Variants in KALRN observed in about 807,000 individuals in gnomAD.
KALRN encodes the protein kalirin RhoGEF kinase.
Under a neutral mutation model 353.7 loss-of-function variants are expected in KALRN, and 70 were observed. The ratio of observed to expected loss-of-function variants is 0.20; its 90% CI spans 0.16 to 0.24. KALRN has a LOEUF of 0.24. Ranked by LOEUF, KALRN falls within the 10% of genes least tolerant of loss-of-function variation. The pLI is 1.00. For synonymous variants in KALRN, 1,391 were observed against 1,434.8 expected, an observed-to-expected ratio of 0.97 and a Z score of 0.69; for missense variants, 2,791 against 3,756.7, an observed-to-expected ratio of 0.74 and a Z score of 6.72.
At position 124,719,182 on chromosome 3, in the gene KALRN, C is replaced by T. The variant is rs758592148; in HGVS notation, c.8673C>T (p.Asn2891=). ...AGAGCAAAGAGGAGACATGTATCAA[C>T]GTATGCAGGGTGGATTTCAGCTTCC... ...LDESKEETCI[N]VCRVDFSFPH... Residue 2891 remains asparagine, a synonymous_variant, in exon 60 of 60, where the codon AAC becomes AAT. Coordinates refer to ENST00000682506, the MANE Select transcript of KALRN (RefSeq NM_001388419.1). The surrounding 1 kb of genome is among the most constrained non-coding windows in gnomAD (Gnocchi z 5.3). 8.7e-6 allele frequency: 14 copies of T among 1,614,226 alleles called. No individual in the cohort carries two copies. Among genetic ancestry groups the T allele is most frequent in the Middle Eastern group, 1.6e-4 (1 of 6,062 alleles).
chr3:124,311,192 G>T (rs925527294), intron 6 of KALRN, among the ~76,000 whole-genome samples: 1 of 149,848 alleles, frequency 6.7e-6, no homozygotes, highest in Non-Finnish European at 1.5e-5. Flanking sequence ...AGGCGCAGTG[G>T]CTCACGCCTA....
At chr3:124,506,271 C>T (rs1274757123) in intron 33 of KALRN, among the ~76,000 whole-genome samples, 2 of 152,118 alleles carry the variant, frequency 1.3e-5, no homozygotes, top group Non-Finnish European at 2.9e-5. Context: ...ATGTCCACTC[C>T]TATTTTCAAC....
At position 124,642,806 on chromosome 3, in the gene KALRN, G is replaced by GTTGTTTTTTTTTTTTTTTTTTTT. The variant is rs796628603; in HGVS notation, c.5664+5505_5664+5506insGTTTTTTTTTTTTTTTTTTTTTT. On this transcript the variant is annotated intron_variant, in intron 37 of 59. Transcript: ENST00000682506. Reference sequence around the variant, plus strand: ...TCTGTGGAAGAGATTCCCAAGCCTCGTTTTTTTTTTTTTTTTTTTTGAGAC... The same window carrying GTTGTTTTTTTTTTTTTTTTTTTT: ...TCTGTGGAAGAGATTCCCAAGCCTCGTTGTTTTTTTTTTTTTTTTTTTTTTTTTTTTTTTTTTTTTTTTGAGAC... 1.4e-3 allele frequency among the ~76,000 whole-genome samples: 134 copies of GTTGTTTTTTTTTTTTTTTTTTTT among 96,804 alleles called. 30 individuals carry two copies. Among genetic ancestry groups the GTTGTTTTTTTTTTTTTTTTTTTT allele is most frequent in the East Asian group, 0.014 (29 of 2,100 alleles). The allele number at this position is 96,804 out of a possible 152,430, so 63.5% of individuals were successfully genotyped here. A position where few individuals can be genotyped will look rare whatever the true frequency, so the allele number is the denominator to read the frequency against.
chr3:124,504,382 G>A (rs975728977), intron 33 of KALRN, among the ~76,000 whole-genome samples: 3 of 152,106 alleles, frequency 2.0e-5, no homozygotes, highest in Non-Finnish European at 4.4e-5. Context: ...CTCCTGCCTG[G>A]TAAGTTGGAT....
rs1481194638 is a variant in KALRN, at chr3:124,422,877, C to T, written c.2608C>T (p.Leu870Phe). 3.7e-6 allele frequency: 6 copies of T among 1,613,910 alleles called. No homozygotes were observed. In the South Asian group the frequency reaches 6.6e-5, roughly 18 times the overall value. Residue 870 changes from leucine to phenylalanine, a missense_variant, in exon 15 of 60, where the codon CTC (leucine) becomes TTC (phenylalanine). Physicochemically the swap from Leu to Phe is conservative, Grantham distance 22. Coordinates refer to ENST00000682506, the MANE Select transcript of KALRN (RefSeq NM_001388419.1). ...CCAGGTGCAAGAGTTATTGGAATTT[C>T]TCCATGAGAAGCAGCATGAATTGGA... ...AAQVQELLEF[L>F]HEKQHELELN...
chr3:124,044,843 CTCCCTCCCTCCCTCCCTCCT>C (rs2040298434), intron 1 of KALRN, among the ~76,000 whole-genome samples: 2 of 48,946 alleles, frequency 4.1e-5, no homozygotes, highest in African/African-American at 1.0e-4. Context: ...CCCTCCCTCC[CTCCCTCCCTCCCTCCCTCCT>C]TCCTTCCTTC....
At position 124,719,508 on chromosome 3, in the gene KALRN, G is replaced by A. The variant is rs754507258; in HGVS notation, c.*38G>A. On this transcript the variant is annotated 3_prime_UTR_variant, in exon 60 of 60. Transcript: ENST00000682506. This position sits in a 1 kb window ranked among gnomAD's most constrained non-coding sequence, Gnocchi z 5.3. Reference sequence around the variant, plus strand: ...CCCTATGGTTTCACATAGACGTGCAGTGTGAACCAAAGCAAGACTGAATGT... The same window carrying A: ...CCCTATGGTTTCACATAGACGTGCAATGTGAACCAAAGCAAGACTGAATGT... The A allele has an allele frequency of 7.0e-6, 11 of 1,561,766 alleles. No homozygotes were observed. Among genetic ancestry groups the A allele is most frequent in the Non-Finnish European group, 2.6e-6 (3 of 1,143,680 alleles).
At chr3:124,399,372 A>T (rs369080617) in intron 13 of KALRN, among the ~76,000 whole-genome samples, 21 of 152,308 alleles carry the variant, frequency 1.4e-4, no homozygotes, top group African/African-American at 5.1e-4. Flanking sequence ...TCCTGACCTC[A>T]GGTGATCCGC....
chr3:124,624,158 T>G (rs2149722230), intron 34 of KALRN, among the ~76,000 whole-genome samples: 2 of 152,330 alleles, frequency 1.3e-5, no homozygotes, highest in South Asian at 4.1e-4. Flanking sequence ...AATCATTCCT[T>G]TGTCCAGCAT....
At chr3:124,417,292 C>G (rs1996820) in intron 14 of KALRN, among the ~76,000 whole-genome samples, 78,409 of 152,034 alleles carry the variant, frequency 0.52, 21,060 homozygotes, top group African/African-American at 0.65. Flanking sequence ...CTTCTGTCTA[C>G]TGTGGCACGC....
At chr3:124,042,704 G>A (rs558515344) in intron 1 of KALRN, among the ~76,000 whole-genome samples, 129 of 152,246 alleles carry the variant, frequency 8.5e-4, no homozygotes, top group African/African-American at 3.0e-3. Flanking sequence ...AGCAGCTGTG[G>A]GGAGGCAGGG....
At chr3:124,489,689 T>C (rs1244880502) in intron 29 of KALRN, among the ~76,000 whole-genome samples, 3 of 152,176 alleles carry the variant, frequency 2.0e-5, no homozygotes, top group African/African-American at 7.2e-5. Context: ...TGACCTATGC[T>C]CTGGATCCAG....
Position 124,446,753 on chromosome 3 carries a change from C to T in KALRN, c.3430-10C>T, listed in dbSNP as rs1490524528. Reference sequence around the variant, plus strand: ...TTTTTGGGGACTGGATGAGTTGTTTCCTCCCATAGGCGCTTGACTGGATCC... The same window carrying T: ...TTTTTGGGGACTGGATGAGTTGTTTTCTCCCATAGGCGCTTGACTGGATCC... On this transcript the variant is annotated splice_polypyrimidine_tract_variant and intron_variant, in intron 20 of 59. Coordinates refer to ENST00000682506, the MANE Select transcript of KALRN (RefSeq NM_001388419.1). 5 of 1,613,742 alleles carry T rather than the reference C, an allele frequency of 3.1e-6. No individual in the cohort carries two copies. Among genetic ancestry groups the T allele is most frequent in the African/African-American group, 2.7e-5 (2 of 74,878 alleles).
Position 124,234,954 on chromosome 3 carries a change from G to A in KALRN, c.263+11G>A. ...GGCCAGCGTGCCAAGGTAAGGGGAA[G>A]GGGAATGGCCTGCAGGGGAGCGGGA... On this transcript the variant is annotated intron_variant, in intron 3 of 59. Transcript: ENST00000682506. The A allele has an allele frequency of 6.3e-7, 1 of 1,580,984 alleles. No homozygotes were observed. The highest frequency in any genetic ancestry group is 8.6e-7 in the Non-Finnish European group (1 of 1,159,566).
chr3:124,427,843 A>T (rs1318623487), intron 15 of KALRN, among the ~76,000 whole-genome samples: 2 of 152,228 alleles, frequency 1.3e-5, no homozygotes, highest in African/African-American at 4.8e-5. Flanking sequence ...AAGATCATCT[A>T]ACCTATTAGG....
chr3:124,668,258 CA>C (rs1157139895), intron 47 of KALRN, among the ~76,000 whole-genome samples: 1 of 152,176 alleles, frequency 6.6e-6, no homozygotes, highest in Non-Finnish European at 1.5e-5. Flanking sequence ...TGGACTCTTT[CA>C]AATGATCCAA....
chr3:124,275,116 A>C (rs1242539715), intron 5 of KALRN, among the ~76,000 whole-genome samples: 2 of 152,242 alleles, frequency 1.3e-5, no homozygotes, highest in African/African-American at 2.4e-5. Context: ...GTTCTCATGC[A>C]CAATACTCTC....
chr3:124,433,905 A>G (rs147225784), intron 16 of KALRN, among the ~76,000 whole-genome samples: 1 of 152,300 alleles, frequency 6.6e-6, no homozygotes, highest in East Asian at 1.9e-4. Context: ...TGATCTGTAA[A>G]ATGGGACTGC....
chr3:124,467,791 G>A (rs2060487633), intron 25 of KALRN, among the ~76,000 whole-genome samples: 1 of 152,140 alleles, frequency 6.6e-6, no homozygotes, highest in South Asian at 2.1e-4. Flanking sequence ...AGAAATGTAG[G>A]GAGAGACAAA....
Sources: allele counts gnomAD v4.1 joint callset (sites outside exome capture counted in the v4.1 genomes callset), GRCh38; gene constraint gnomAD v4.1.1; non-coding constraint Gnocchi (gnomAD v3.1); transcripts MANE v1.5; gene names NCBI Gene and HGNC (gene_info 2026-07-23, HGNC 2026-07-21).